MEGF6: variants seen among roughly 807,000 people sequenced by gnomAD.
MEGF6 encodes multiple EGF like domains 6.
MEGF6 carries 184 observed loss-of-function variants against 207.1 expected under a neutral mutation model. That is an observed-to-expected ratio of 0.89 (90% CI 0.79 to 1.00). MEGF6 has a LOEUF of 1.00. Among genes scored for constraint, MEGF6 ranks in the 50% least tolerant of loss-of-function variants. The pLI, the probability that MEGF6 is intolerant of heterozygous loss-of-function variation, is 0.00. For synonymous variants in MEGF6, 1,038 were observed against 910.0 expected, an observed-to-expected ratio of 1.14 and a Z score of -2.53; for missense variants, 2,282 against 2,202.9, an observed-to-expected ratio of 1.04 and a Z score of -0.72.
At chr1:3,499,069 G>T in intron 24 of MEGF6, 69 bp downstream of exon 24, 1 of 1,563,342 alleles carries the variant, frequency 6.4e-7, no homozygotes, top group Non-Finnish European at 8.6e-7. Context: ...TGTCCTGTGG[G>T]CCCTGCAAGA....
rs540889480 is a variant in MEGF6 at position 3,586,098 on chromosome 1, C to T, written c.377-6169G>A. ...TGTGTGTGGGTGTGAGGACACATGT[C>T]CTGTGTGAGTGACACGTGTCCTGTG... is the stretch of plus-strand genomic sequence containing the variant. On this transcript the variant is annotated intron_variant, in intron 3 of 36. Transcript: ENST00000356575. 2.3e-5 allele frequency among the ~76,000 whole-genome samples: 3 copies of T among 132,714 alleles called. No individual in the cohort carries two copies. The South Asian group carries it at 7.4e-4, about 33-fold the overall frequency. The allele number at this position is 132,714 out of a possible 152,430, so 87.1% of individuals were successfully genotyped here.
chr1:3,564,545 T>C (rs1049056223), intron 4 of MEGF6, among the ~76,000 whole-genome samples: 2 of 151,976 alleles, frequency 1.3e-5, no homozygotes, highest in African/African-American at 4.8e-5. Context: ...AGCACTGGCC[T>C]CCTCTCCCCA....
At position 3,499,455 on chromosome 1, in the gene MEGF6, G is replaced by A. The variant is rs1252492180; in HGVS notation, c.2965+133C>T. On this transcript the variant is annotated intron_variant, in intron 23 of 36. Coordinates refer to ENST00000356575, the MANE Select transcript of MEGF6 (RefSeq NM_001409.4). The stretch of plus-strand genomic sequence containing the variant: ...AAAGGACCAACGCTCTGGCCCGAGT[G>A]AGCAAAGCATCACTCTCAGGGGGGT... The A allele has an allele frequency of 6.3e-6, 9 of 1,437,080 alleles. No individual in the cohort carries two copies. In the Admixed American group the frequency reaches 6.6e-5, roughly 10 times the overall value. The allele number at this position is 1,437,080 out of a possible 1,614,324, so 89.0% of individuals were successfully genotyped here.
At chr1:3,576,821 C>T in intron 4 of MEGF6, among the ~76,000 whole-genome samples, 2 of 147,058 alleles carry the variant, frequency 1.4e-5, no homozygotes, top group East Asian at 4.1e-4. Flanking sequence ...CCTGGCCCTG[C>T]ACATCCAGCT....
chr1:3,541,560 C>T (rs1191513337), intron 4 of MEGF6, among the ~76,000 whole-genome samples: 1 of 152,192 alleles, frequency 6.6e-6, no homozygotes, highest in Non-Finnish European at 1.5e-5. Context: ...CCCCCTTGCC[C>T]ACTCGTTTCT....
At chr1:3,526,524 T>G (rs1489597714) in intron 4 of MEGF6, among the ~76,000 whole-genome samples, 1 of 151,896 alleles carries the variant, frequency 6.6e-6, no homozygotes, top group African/African-American at 2.4e-5. Flanking sequence ...TCAGCCTCCT[T>G]AGTAGCTGGG....
At position 3,515,503 on chromosome 1, in the gene MEGF6, T is replaced by C. The variant is rs760379274; in HGVS notation, c.629A>G (p.Asn210Ser). 23 of 1,612,540 alleles carry C rather than the reference T, an allele frequency of 1.4e-5. No homozygotes were observed. The highest frequency in any genetic ancestry group is 2.7e-5 in the African/African-American group (2 of 74,938). Residue 210 changes from asparagine (N) to serine (S), a missense_variant, in exon 6 of 37, where the codon AAT becomes AGT. Transcript: ENST00000356575. ...CLAINSCALG[N>S]GGCQHHCVQL... ...GACACAGTGGTGCTGGCAGCCGCCA[T>C]TGCCCAGGGCGCAGGAGTTAATGGC...
chr1:3,566,603 C>T (rs370283806), intron 4 of MEGF6, among the ~76,000 whole-genome samples: 5 of 152,304 alleles, frequency 3.3e-5, no homozygotes, highest in African/African-American at 1.2e-4. Flanking sequence ...GAGGACCAGC[C>T]GCTCGGCCCA....
chr1:3,541,345 C>T (rs1642510859), intron 4 of MEGF6, among the ~76,000 whole-genome samples: 2 of 152,242 alleles, frequency 1.3e-5, no homozygotes, highest in South Asian at 4.1e-4. Flanking sequence ...TCCCAGGAAG[C>T]AACAAAGTCC....
chr1:3,507,899 T>C lies in MEGF6; in HGVS notation c.1685A>G (p.Lys562Arg). ...NETCPPDTFG[K>R]NCSFSCSCQN... ...ACAGCTGCAGGAGAAGCTGCAGTTC[T>C]TCCCAAAGGTGTCCGGAGGACAAGC... The change falls in exon 14 of 37, where the codon AAG becomes AGG. Residue 562 changes from lysine to arginine, a missense_variant. Transcript: ENST00000356575. 6.2e-7 allele frequency: 1 copy of C among 1,612,482 alleles called. No individual in the cohort carries two copies. Among genetic ancestry groups the C allele is most frequent in the Non-Finnish European group, 8.5e-7 (1 of 1,179,644 alleles).
At chr1:3,580,728 TTGGGAGGGCAGGGCCAGGG>T (rs1380253294) in intron 3 of MEGF6, among the ~76,000 whole-genome samples, 1 of 150,068 alleles carries the variant, frequency 6.7e-6, no homozygotes, top group Non-Finnish European at 1.5e-5. Flanking sequence ...ACGTTACTAC[TTGGGAGGGCAGGGCCAGGG>T]TGGGATGGCA....
chr1:3,535,668 C>T (rs1642305103), intron 4 of MEGF6, among the ~76,000 whole-genome samples: 1 of 152,200 alleles, frequency 6.6e-6, no homozygotes, highest in African/African-American at 2.4e-5. Flanking sequence ...GTGGGGGCCC[C>T]CCAGCGGCCC....
the MEGF6 span, among the ~76,000 whole-genome samples, chr1:3,620,039 G>C: frequency 0.03 from 4,437 of 148,712 alleles, 205 homozygotes; most frequent in African/African-American, 0.099. Flanking sequence ...CTATATTTTA[G>C]TAAAGAGACT....
chr1:3,572,773 C>CAG (rs1643541982), intron 4 of MEGF6, among the ~76,000 whole-genome samples: 1 of 98,544 alleles, frequency 1.0e-5, no homozygotes, highest in African/African-American at 4.0e-5. Context: ...GGTTCTCCTG[C>CAG]GTATGCTGGG....
At position 3,492,703 on chromosome 1, in the gene MEGF6, G is replaced by A. The variant is rs1359911407; in HGVS notation, c.4452C>T (p.Asp1484=). Residue 1484 remains aspartate, a synonymous_variant, in exon 35 of 37, where the codon GAC becomes GAT. Coordinates refer to ENST00000356575, the MANE Select transcript of MEGF6 (RefSeq NM_001409.4). The stretch of plus-strand genomic sequence containing the variant: ...GACACTGCCCACTGACAGGGTCGCA[G>A]TCAGCCCCACCCCCGCAGTCACAGT... ...TLHCDCGGGA[D]CDPVSGQCHC... is the part of the protein sequence containing the mutation. The A allele has an allele frequency of 1.2e-6, 2 of 1,612,680 alleles. No individual in the cohort carries two copies. The highest frequency in any genetic ancestry group is 1.7e-6 in the Non-Finnish European group (2 of 1,179,870).
chr1:3,498,412 C>T lies in MEGF6; in HGVS notation c.3311G>A (p.Cys1104Tyr). ...CCCAGTCCAGCCGGCTGGGCAGAGG[C>T]AGCGGCCCGTGTGCGGGTCACACAG... is the stretch of plus-strand genomic sequence containing the variant. ...GGLCDPHTGRCLCPAGWTGDK... is the reference protein window; with the variant it reads ...GGLCDPHTGRYLCPAGWTGDK... The change falls in exon 26 of 37, where the codon TGC becomes TAC. Residue 1104 changes from cysteine to tyrosine, a missense_variant. Transcript: ENST00000356575. 1 of 1,593,480 alleles carries T rather than the reference C, an allele frequency of 6.3e-7. No individual in the cohort carries two copies. The highest frequency in any genetic ancestry group is 8.5e-7 in the Non-Finnish European group (1 of 1,173,282).
intron 4 of MEGF6, among the ~76,000 whole-genome samples, chr1:3,535,053 A>G (rs1642284751): frequency 6.6e-6 from 1 of 152,142 alleles, no homozygotes; most frequent in African/African-American, 2.4e-5. Flanking sequence ...GCATGGCCAC[A>G]TCCCGGGGCA....
rs925492197 is a variant in MEGF6 at position 3,580,043 on chromosome 1, C to G, written c.377-114G>C. ...CCACCCAGCCTGCCAGGTCCCCAGCCCCGTTCTCTCTGTCCTAGGTCACAC... is the reference window on the plus strand; with the variant it reads ...CCACCCAGCCTGCCAGGTCCCCAGCGCCGTTCTCTCTGTCCTAGGTCACAC... On this transcript the variant is annotated intron_variant, in intron 3 of 36. Coordinates refer to ENST00000356575, the MANE Select transcript of MEGF6 (RefSeq NM_001409.4). 4 of 691,434 alleles carry G rather than the reference C, an allele frequency of 5.8e-6. No individual in the cohort carries two copies. The African/African-American group carries it at 7.6e-5, about 13-fold the overall frequency. The allele number at this position is 691,434 out of a possible 1,614,324, so 42.8% of individuals were successfully genotyped here. A position where few individuals can be genotyped will look rare whatever the true frequency, so the allele number is the denominator to read the frequency against.
upstream of MEGF6, among the ~76,000 whole-genome samples, chr1:3,612,497 G>A (rs927361759): frequency 1.3e-5 from 2 of 152,224 alleles, no homozygotes; most frequent in African/African-American, 4.8e-5. Flanking sequence ...AGACACTCAG[G>A]AGAGTCTCTT....
Sources: gnomAD v4.1 joint callset for allele counts (sites outside exome capture counted in the v4.1 genomes callset) on GRCh38, gnomAD v4.1.1 for gene constraint, MANE v1.5 for transcripts, NCBI Gene and HGNC (gene_info 2026-07-23, HGNC 2026-07-21) for gene names.